The following ABCD2 variants were observed in gnomAD, a reference collection of about 807,000 sequenced individuals.
ABCD2 encodes ATP-binding cassette sub-family D member 2.
A neutral mutation model predicts 70.9 loss-of-function variants in ABCD2; 36 were observed. The observed-to-expected ratio is 0.51, with a 90% CI of 0.39 to 0.67. The LOEUF (loss-of-function observed/expected upper bound fraction) is 0.67. Ranked by LOEUF, ABCD2 falls within the 30% of genes least tolerant of loss-of-function variation. ABCD2 has a pLI of 0.00. For missense variants in ABCD2, 729 were observed against 890.2 expected (o/e 0.82, Z 2.30); for synonymous variants, 304 against 306.9 (o/e 0.99, Z 0.10).
chr12:39,593,550 C>G (rs983132573), intron 6 of ABCD2, among the ~76,000 whole-genome samples: 3 of 152,174 alleles, frequency 2.0e-5, no homozygotes, highest in African/African-American at 7.2e-5. Flanking sequence ...CCAGGCCCAG[C>G]CCAGAACTTC....
At chr12:39,597,243 T>C (rs1219112256) in intron 6 of ABCD2, among the ~76,000 whole-genome samples, 1 of 152,200 alleles carries the variant, frequency 6.6e-6, no homozygotes, top group Non-Finnish European at 1.5e-5. Flanking sequence ...CTCTGTTGCT[T>C]CTCTCCCACT....
intron 8 of ABCD2, among the ~76,000 whole-genome samples, chr12:39,576,209 G>C (rs2120603983): frequency 6.6e-6 from 1 of 152,310 alleles, no homozygotes; most frequent in Admixed American, 6.5e-5. Context: ...TGCCAGGTTG[G>C]AGTGCAGTGG....
At chr12:39,560,983 A>T (rs776463979) in intron 9 of ABCD2, among the ~76,000 whole-genome samples, 16 of 152,182 alleles carry the variant, frequency 1.1e-4, no homozygotes, top group Non-Finnish European at 1.8e-4. Flanking sequence ...CTGTGAGAAG[A>T]AAAAAGGAAG....
chr12:39,542,505 AT>A, the ABCD2 span, among the ~76,000 whole-genome samples: 2 of 151,910 alleles, frequency 1.3e-5, no homozygotes, highest in African/African-American at 4.8e-5. Flanking sequence ...TAATGAATGG[AT>A]GTAGAGAGAT....
intron 2 of ABCD2, among the ~76,000 whole-genome samples, chr12:39,614,119 C>T (rs1460912037): frequency 6.6e-6 from 1 of 152,128 alleles, no homozygotes; most frequent in Non-Finnish European, 1.5e-5. Context: ...TATCATTTCT[C>T]TCATTTTGGA....
chr12:39,604,045 C>T (rs765050913), intron 4 of ABCD2, 39 bp from the exon 5 acceptor site: 2 of 1,390,252 alleles, frequency 1.4e-6, no homozygotes, highest in South Asian at 1.2e-5. Context: ...AACATTATCA[C>T]AGGTTTCTGA....
At chr12:39,545,378 C>T (rs974531480), downstream of ABCD2, among the ~76,000 whole-genome samples, 3 of 152,034 alleles carry the variant, frequency 2.0e-5, no homozygotes, top group Admixed American at 1.3e-4. Context: ...CTGTAAATTC[C>T]GCCTCCCGGG....
At chr12:39,568,201 G>T (rs1275604405) in intron 9 of ABCD2, among the ~76,000 whole-genome samples, 1 of 152,144 alleles carries the variant, frequency 6.6e-6, no homozygotes, top group Non-Finnish European at 1.5e-5. Flanking sequence ...AGTTCTCCTG[G>T]ATAATATCCT....
At chr12:39,536,225 T>A in the ABCD2 span, among the ~76,000 whole-genome samples, 4 of 152,246 alleles carry the variant, frequency 2.6e-5, no homozygotes, top group Admixed American at 2.6e-4. Context: ...GAAAGATGTT[T>A]TCTATTTCAC....
At chr12:39,583,348 C>T (rs181433305) in intron 7 of ABCD2, among the ~76,000 whole-genome samples, 27 of 152,264 alleles carry the variant, frequency 1.8e-4, no homozygotes, top group African/African-American at 5.8e-4. Context: ...AATCACTGTA[C>T]TACTTACTCT....
rs146355626 is a variant in ABCD2, at chr12:39,563,582, T to C, written c.2004-9451A>G. ...AAGATAAATAAAGGAAAAAGTTAAA[T>C]AAAGGAAAAAGATAAATTGTTCCTG... On this transcript the variant is annotated intron_variant, in intron 9 of 9. Coordinates refer to ENST00000308666, the MANE Select transcript of ABCD2 (RefSeq NM_005164.4). Among the ~76,000 whole-genome samples, 219 of 152,210 alleles carry C rather than the reference T, an allele frequency of 1.4e-3. 1 individual carries two copies. Among genetic ancestry groups the C allele is most frequent in the African/African-American group, 5.1e-3 (211 of 41,544 alleles).
downstream of ABCD2, among the ~76,000 whole-genome samples, chr12:39,547,967 C>T (rs1941042680): frequency 6.6e-6 from 1 of 151,928 alleles, no homozygotes; most frequent in Non-Finnish European, 1.5e-5. Context: ...AAGGTCCCTG[C>T]CTTATGAGAG....
At chr12:39,598,125 A>G (rs997055018) in intron 6 of ABCD2, among the ~76,000 whole-genome samples, 4 of 152,194 alleles carry the variant, frequency 2.6e-5, no homozygotes, top group Non-Finnish European at 5.9e-5. Context: ...ATACTACATG[A>G]CATCATTATA....
At chr12:39,537,493 C>T in the ABCD2 span, among the ~76,000 whole-genome samples, 1 of 152,266 alleles carries the variant, frequency 6.6e-6, no homozygotes, top group East Asian at 1.9e-4. Flanking sequence ...TAGATTTTAA[C>T]ATTTTCATTT....
chr12:39,571,724 C>T (rs1040983398), intron 9 of ABCD2, among the ~76,000 whole-genome samples: 1 of 152,092 alleles, frequency 6.6e-6, no homozygotes, highest in African/African-American at 2.4e-5. Context: ...TTTAAACTTC[C>T]TTCACAAATA....
intron 6 of ABCD2, among the ~76,000 whole-genome samples, chr12:39,599,696 G>T (rs929464621): frequency 1.3e-5 from 2 of 152,186 alleles, no homozygotes; most frequent in Admixed American, 6.5e-5. Context: ...AGACAGGATT[G>T]TACAGTACAT....
intron 5 of ABCD2, among the ~76,000 whole-genome samples, 195 bp from the exon 6 acceptor site, chr12:39,600,911 A>T (rs911910779): frequency 1.3e-5 from 2 of 152,170 alleles, no homozygotes; most frequent in Admixed American, 6.5e-5. Context: ...GCATCATAAA[A>T]TAATTCAATT....
At chr12:39,602,101 G>A (rs1941906250) in intron 5 of ABCD2, among the ~76,000 whole-genome samples, 1 of 149,786 alleles carries the variant, frequency 6.7e-6, no homozygotes, top group Non-Finnish European at 1.5e-5. Flanking sequence ...CTTTTCTTCT[G>A]CAAATAATTT....
chr12:39,553,897 A>G lies in ABCD2; in HGVS notation c.*15T>C. ...CTTTATCTAATAATTAACTTTTAAA[A>G]TATGTCAAAACAAATTAAGATGTCT... On this transcript the variant is annotated 3_prime_UTR_variant, in exon 10 of 10. Transcript: ENST00000308666. The G allele has an allele frequency of 6.4e-7, 1 of 1,572,222 alleles. No homozygotes were observed. Among genetic ancestry groups the G allele is most frequent in the South Asian group, 1.1e-5 (1 of 88,184 alleles).
Sources: allele counts gnomAD v4.1 joint callset (sites outside exome capture counted in the v4.1 genomes callset), GRCh38; gene constraint gnomAD v4.1.1; transcripts MANE v1.5; gene names NCBI Gene and HGNC (gene_info 2026-07-23, HGNC 2026-07-21).